Variants in PLA2R1 observed in about 807,000 individuals in gnomAD.
PLA2R1 encodes secretory phospholipase A2 receptor.
In PLA2R1, 158 loss-of-function variants were observed where a neutral mutation model predicts 195.9. That is an observed-to-expected ratio of 0.81 (90% CI 0.71 to 0.92). PLA2R1 has a LOEUF of 0.92. Among genes scored for constraint, PLA2R1 ranks in the 40% least tolerant of loss-of-function variants. The probability of loss-of-function intolerance (pLI) is 0.00; values close to 1 mark genes in which losing one functional copy is unlikely to be tolerated. For missense variants in PLA2R1, 1,626 were observed against 1,764.6 expected (o/e 0.92, Z 1.41); for synonymous variants, 586 against 598.2 (o/e 0.98, Z 0.30).
intron 2 of PLA2R1, among the ~76,000 whole-genome samples, chr2:160,042,834 T>C (rs1694614697): frequency 1.1e-5 from 1 of 93,980 alleles, no homozygotes; most frequent in African/African-American, 3.4e-5. Context: ...TGTGTGTGTG[T>C]GTGTGTGTAT....
rs541813635 is a variant in PLA2R1, at chr2:160,061,395, G to A, written c.109+900C>T. On this transcript the variant is annotated intron_variant, in intron 1 of 29. Coordinates refer to ENST00000283243, the MANE Select transcript of PLA2R1 (RefSeq NM_007366.5). ...ATAAGTGTTTGCTGAATTGAACCCC[G>A]TTTTTCCACTGAGAGAGACTAAGGC... Among the ~76,000 whole-genome samples, 3 of 152,246 alleles carry A rather than the reference G, an allele frequency of 2.0e-5. No individual in the cohort carries two copies. The South Asian group carries it at 6.2e-4, about 32-fold the overall frequency.
At chr2:160,059,716 A>G (rs1695824968) in intron 1 of PLA2R1, among the ~76,000 whole-genome samples, 2 of 152,216 alleles carry the variant, frequency 1.3e-5, no homozygotes, top group African/African-American at 4.8e-5. Flanking sequence ...AGTTGGACTC[A>G]CAGTTCAACA....
chr2:160,004,675 T>C (rs1691852298), intron 11 of PLA2R1, among the ~76,000 whole-genome samples: 1 of 152,182 alleles, frequency 6.6e-6, no homozygotes, highest in African/African-American at 2.4e-5. Context: ...CTGATGGAGA[T>C]ACAGGCAAGC....
intron 9 of PLA2R1, 126 bp downstream of exon 9, chr2:160,016,488 G>A (rs1287900511): frequency 1.2e-5 from 8 of 651,138 alleles, no homozygotes; most frequent in Non-Finnish European, 2.2e-5. Context: ...GGTGCGAGGA[G>A]AGAGAGAGAG....
intron 3 of PLA2R1, among the ~76,000 whole-genome samples, chr2:160,041,313 T>C (rs1371913591): frequency 3.3e-5 from 5 of 152,132 alleles, no homozygotes; most frequent in Admixed American, 2.0e-4. Flanking sequence ...ATATAGAAAG[T>C]AGGAGGCATA....
Position 159,941,707 on chromosome 2 carries a change from A to G in PLA2R1, c.*71T>C, listed in dbSNP as rs578126904. 1.7e-5 allele frequency: 13 copies of G among 780,078 alleles called. No individual in the cohort carries two copies. The African/African-American group carries it at 2.1e-4, about 12-fold the overall frequency. The allele number at this position is 780,078 out of a possible 1,614,324, so 48.3% of individuals were successfully genotyped here. A position where few individuals can be genotyped will look rare whatever the true frequency, so the allele number is the denominator to read the frequency against. On this transcript the variant is annotated 3_prime_UTR_variant, in exon 30 of 30. Coordinates refer to ENST00000283243, the MANE Select transcript of PLA2R1 (RefSeq NM_007366.5). ...CTAATGGCATCTGTGCTGTAAAGGG[A>G]AAGACAGATGAGACTCCTGTTTAGT...
intron 1 of PLA2R1, among the ~76,000 whole-genome samples, chr2:160,059,948 G>C (rs1323834304): frequency 1.3e-5 from 2 of 152,196 alleles, no homozygotes; most frequent in African/African-American, 2.4e-5. Context: ...AATTCTGGGA[G>C]ATACAATTCA....
chr2:159,979,832 G>A lies in PLA2R1; in HGVS notation c.2266C>T (p.Pro756Ser), dbSNP rs768254466. The change falls in exon 14 of 30, where the codon CCT (proline) becomes TCT (serine). Residue 756 changes from proline (P) to serine (S), a missense_variant and splice_region_variant. Coordinates refer to ENST00000283243, the MANE Select transcript of PLA2R1 (RefSeq NM_007366.5). Reference protein sequence around the residue: ...AGSWEWSDRTPVVSSFLDNTY... With the variant: ...AGSWEWSDRTSVVSSFLDNTY... ...TTCTCCAGTTTGAAAAGACTTACAG[G>A]AGTTCTATCAGACCACTCCCATGAG... The A allele has an allele frequency of 2.5e-6, 4 of 1,569,602 alleles. No homozygotes were observed. In the South Asian group the frequency reaches 3.3e-5, roughly 13 times the overall value.
At position 159,941,829 on chromosome 2, in the gene PLA2R1, T is replaced by C. The variant is rs1189694058; in HGVS notation, c.4341A>G (p.Val1447=). 6.2e-7 allele frequency: 1 copy of C among 1,612,362 alleles called. No homozygotes were observed. Among genetic ancestry groups the C allele is most frequent in the South Asian group, 1.1e-5 (1 of 91,046 alleles). Residue 1447 remains valine (V), a synonymous_variant, in exon 30 of 30, where the codon GTA becomes GTG. Transcript: ENST00000283243. The part of the protein sequence containing the change: ...PYYPATNFST[V]YLEENILISD... ...AAATGAGAATATTTTCTTCTAAATATACTGTACTAAAGTTGGTTGCAGGAT... is the reference window on the plus strand; with the variant it reads ...AAATGAGAATATTTTCTTCTAAATACACTGTACTAAAGTTGGTTGCAGGAT...
In PLA2R1 at chr2:160,045,043, C is replaced by G. The variant is rs1694773061; in HGVS notation, c.224G>C (p.Trp75Ser). 6.2e-7 allele frequency: 1 copy of G among 1,614,228 alleles called. No individual in the cohort carries two copies. ...GTTAAAGAGGCCATGGTTTGAAACC[C>G]ATTTCCACAGCATGTGCTTGTTTGC... ...KQANKHMLWKWVSNHGLFNIG... is the reference protein window; with the variant it reads ...KQANKHMLWKSVSNHGLFNIG... Residue 75 changes from tryptophan (W) to serine (S), a missense_variant, in exon 2 of 30, where the codon TGG (tryptophan) becomes TCG (serine). Physicochemically the swap from Trp to Ser is radical, Grantham distance 177. Coordinates refer to ENST00000283243, the MANE Select transcript of PLA2R1 (RefSeq NM_007366.5).
At chr2:160,046,179 G>A (rs1319868049) in intron 1 of PLA2R1, among the ~76,000 whole-genome samples, 2 of 152,232 alleles carry the variant, frequency 1.3e-5, no homozygotes, top group African/African-American at 2.4e-5. Flanking sequence ...GGCACATGGT[G>A]GAAATTCAGT....
intron 3 of PLA2R1, among the ~76,000 whole-genome samples, chr2:160,041,212 A>G (rs1357528632): frequency 3.9e-5 from 6 of 152,176 alleles, no homozygotes; most frequent in Non-Finnish European, 7.4e-5. Context: ...TATTTGTTGC[A>G]TTTTATATAT....
chr2:160,060,172 T>C (rs1235081474), intron 1 of PLA2R1, among the ~76,000 whole-genome samples: 1 of 152,188 alleles, frequency 6.6e-6, no homozygotes, highest in Non-Finnish European at 1.5e-5. Flanking sequence ...TATTAGTGGA[T>C]TGGAAATGAA....
In PLA2R1 at chr2:159,933,393, A is replaced by C. The variant is rs926428096; in HGVS notation, c.*8385T>G. On this transcript the variant is annotated 3_prime_UTR_variant, in exon 30 of 30. Transcript: ENST00000283243. ...AAAATATTCTGACCCCAAGCTAAAAACTTGCTTTCTAACTCAAAAAATACT... is the reference window on the plus strand; with the variant it reads ...AAAATATTCTGACCCCAAGCTAAAACCTTGCTTTCTAACTCAAAAAATACT... 8 of 152,176 alleles carry C rather than the reference A, an allele frequency of 5.3e-5. No homozygotes were observed. Among genetic ancestry groups the C allele is most frequent in the African/African-American group, 1.9e-4 (8 of 41,436 alleles). 9.4% of individuals were successfully genotyped at this position (152,176 alleles called of 1,614,324 possible).
At chr2:160,044,436 A>G (rs1379251549) in intron 2 of PLA2R1, among the ~76,000 whole-genome samples, 2 of 152,152 alleles carry the variant, frequency 1.3e-5, no homozygotes, top group Non-Finnish European at 1.5e-5. Context: ...AAAAGTCTTC[A>G]AAGATCTTTT....
the PLA2R1 span, among the ~76,000 whole-genome samples, chr2:159,924,470 C>G: frequency 6.6e-6 from 1 of 152,174 alleles, no homozygotes; most frequent in Non-Finnish European, 1.5e-5. Flanking sequence ...TGCTCCTGAG[C>G]TGCGAGGAGG....
intron 20 of PLA2R1, 73 bp from the exon 21 acceptor site, chr2:159,956,700 C>G: frequency 1.1e-6 from 1 of 879,564 alleles, no homozygotes; most frequent in South Asian, 1.4e-5. Flanking sequence ...CCCAAAGACA[C>G]TGAATATCAG....
chr2:159,967,494 G>A, intron 20 of PLA2R1, 45 bp downstream of exon 20: 1 of 1,539,540 alleles, frequency 6.5e-7, no homozygotes, highest in South Asian at 1.2e-5. Context: ...CAAAATTAGT[G>A]TCTACAAAAG....
rs745383387 is a variant in PLA2R1 at position 159,955,784 on chromosome 2, T to C, written c.3067A>G (p.Ile1023Val). The C allele has an allele frequency of 1.0e-5, 16 of 1,597,554 alleles. No homozygotes were observed. The Admixed American group carries it at 2.5e-4, about 25-fold the overall frequency. ...NLFGQTTSVW[I>V]GLQNDDYETW... ...TCATAATCATCATTTTGTAAACCTA[T>C]CCACACACTGGTGGTCTGGCCAAAA... The change falls in exon 22 of 30, where the codon ATA (isoleucine) becomes GTA (valine). Residue 1023 changes from isoleucine to valine, a missense_variant. Coordinates refer to ENST00000283243, the MANE Select transcript of PLA2R1 (RefSeq NM_007366.5).
Sources: gnomAD v4.1 joint callset for allele counts (sites outside exome capture counted in the v4.1 genomes callset) on GRCh38, gnomAD v4.1.1 for gene constraint, MANE v1.5 for transcripts, NCBI Gene and HGNC (gene_info 2026-07-23, HGNC 2026-07-21) for gene names.